Variants in ARSG observed in about 807,000 individuals in gnomAD.
ARSG encodes the protein ASG.
In ARSG, 37 loss-of-function variants were observed where a neutral mutation model predicts 50.5. The observed-to-expected ratio is 0.73, with a 90% CI of 0.56 to 0.96. The LOEUF is 0.96. ARSG is among the 50% of genes least tolerant of loss of function. The pLI is 0.00. For synonymous variants in ARSG, 225 were observed against 254.6 expected, an observed-to-expected ratio of 0.88 and a Z score of 1.11; for missense variants, 629 against 675.3, an observed-to-expected ratio of 0.93 and a Z score of 0.76.
chr17:68,448,149 T>G, the ARSG span, among the ~76,000 whole-genome samples: 1 of 152,140 alleles, frequency 6.6e-6, no homozygotes, highest in Non-Finnish European at 1.5e-5. Flanking sequence ...ACACTCCCCT[T>G]GGGCCTTTAT....
intron 8 of ARSG, among the ~76,000 whole-genome samples, chr17:68,371,942 A>G (rs558611443): frequency 2.6e-5 from 4 of 152,354 alleles, no homozygotes; most frequent in South Asian, 2.1e-4. Flanking sequence ...ACTCAAAAAA[A>G]TCTTGAAAGA....
intron 8 of ARSG, among the ~76,000 whole-genome samples, chr17:68,379,035 C>T (rs904524143): frequency 6.6e-6 from 1 of 152,016 alleles, no homozygotes; most frequent in Non-Finnish European, 1.5e-5. Context: ...CTGATAGGGA[C>T]CTAGAGGAAG....
At chr17:68,263,834 G>C (rs74986188) in intron 1 of ARSG, among the ~76,000 whole-genome samples, 2,759 of 152,122 alleles carry the variant, frequency 0.018, 87 homozygotes, top group African/African-American at 0.063. Context: ...TGAAACTAAG[G>C]ATCATGATTT....
In ARSG at chr17:68,351,758, A is replaced by G. The variant is rs76945033; in HGVS notation, c.566+72A>G. 3.2e-3 allele frequency: 3,261 copies of G among 1,003,616 alleles called. 63 individuals are homozygous for G. The African/African-American group carries it at 0.04, about 12-fold the overall frequency. 62.2% of individuals were successfully genotyped at this position (1,003,616 alleles called of 1,614,324 possible). ...GTTCCAAGACTGTGGTCCATCAGCA[A>G]TAAATTAAAGATGCAGACAGGAAAC... On this transcript the variant is annotated intron_variant, in intron 5 of 11. Coordinates refer to ENST00000621439, the MANE Select transcript of ARSG (RefSeq NM_001267727.2).
chr17:68,301,112 C>T (rs774952721), intron 1 of ARSG, among the ~76,000 whole-genome samples: 2 of 147,956 alleles, frequency 1.4e-5, no homozygotes, highest in Non-Finnish European at 3.0e-5. Context: ...AGTGAGACTC[C>T]GTCTCAAAAA....
intron 1 of ARSG, chr17:68,268,270 TTTAAA>T (rs1366872034): frequency 1.3e-5 from 2 of 152,564 alleles, no homozygotes; most frequent in African/African-American, 4.8e-5. Context: ...TAAATAGCGG[TTTAAA>T]TTAAAGACAC....
At chr17:68,265,753 G>T (rs1250423253) in intron 1 of ARSG, among the ~76,000 whole-genome samples, 160 of 134,234 alleles carry the variant, frequency 1.2e-3, no homozygotes, top group Middle Eastern at 7.9e-3. Flanking sequence ...AGTGTGTGTT[G>T]TTTTTTTTTT....
the ARSG span, among the ~76,000 whole-genome samples, chr17:68,441,247 T>C: frequency 6.6e-6 from 1 of 152,138 alleles, no homozygotes; most frequent in Non-Finnish European, 1.5e-5. Flanking sequence ...CAGCCTGCAA[T>C]CTCTGACACA....
chr17:68,307,746 GA>G, intron 2 of ARSG, 35 bp downstream of exon 2: 1 of 1,166,076 alleles, frequency 8.6e-7, no homozygotes, highest in South Asian at 1.2e-5. Context: ...CCTTTCTTTG[GA>G]TGTCTTACTC....
In ARSG at chr17:68,270,553, C is replaced by CA. The variant is rs1318666864; in HGVS notation, c.-552+11143dup. On this transcript the variant is annotated intron_variant, in intron 1 of 11. Transcript: ENST00000448504. ...TGGGTGATAGAGCGAGACTCCATCT[C>CA]AAAAAAAAAAAAAAAAGGCCAGGGT... 2.8e-3 allele frequency among the ~76,000 whole-genome samples: 233 copies of CA among 84,042 alleles called. 1 individual carries two copies. Among genetic ancestry groups the CA allele is most frequent in the Middle Eastern group, 7.9e-3 (1 of 126 alleles). 55.1% of individuals were successfully genotyped at this position (84,042 alleles called of 152,430 possible).
chr17:68,408,912 A>G (rs2081873026), intron 11 of ARSG, among the ~76,000 whole-genome samples: 1 of 151,266 alleles, frequency 6.6e-6, no homozygotes, highest in East Asian at 1.9e-4. Context: ...TTTTGGCTGC[A>G]TAAATGTCTT....
At chr17:68,352,929 C>T (rs2078867869) in intron 5 of ARSG, among the ~76,000 whole-genome samples, 1 of 152,252 alleles carries the variant, frequency 6.6e-6, no homozygotes, top group South Asian at 2.1e-4. Flanking sequence ...AATAAAGCAG[C>T]ACAAAACACG....
At chr17:68,365,783 AATG>A (rs2079517203) in intron 6 of ARSG, among the ~76,000 whole-genome samples, 1 of 152,196 alleles carries the variant, frequency 6.6e-6, no homozygotes, top group African/African-American at 2.4e-5. Flanking sequence ...GGCATTGAAA[AATG>A]ATGGGCAGTA....
At position 68,401,377 on chromosome 17, in the gene ARSG, C is replaced by T; in HGVS notation, c.1230C>T (p.Asn410=). The part of the protein sequence containing the change: ...QPGHRVLFHP[N]SGAAGEFGAL... Reference sequence around the variant, plus strand: ...TTTCTCAGGTGCTGTTCCACCCCAACAGCGGGGCAGCTGGAGAGTTTGGAG... The same window carrying T: ...TTTCTCAGGTGCTGTTCCACCCCAATAGCGGGGCAGCTGGAGAGTTTGGAG... Residue 410 remains asparagine, a synonymous_variant, in exon 11 of 12, where the codon AAC becomes AAT. Transcript: ENST00000621439. The T allele has an allele frequency of 6.2e-7, 1 of 1,614,030 alleles. No individual in the cohort carries two copies. The highest frequency in any genetic ancestry group is 1.1e-5 in the South Asian group (1 of 91,078).
intron 6 of ARSG, among the ~76,000 whole-genome samples, chr17:68,363,602 G>A (rs1235030659): frequency 6.6e-6 from 1 of 151,992 alleles, no homozygotes; most frequent in Non-Finnish European, 1.5e-5. Context: ...CGAGTAGCTG[G>A]GATTACAGGC....
At chr17:68,291,487 G>T (rs1313700416), upstream of ARSG, 2 of 150,480 alleles carry the variant, frequency 1.3e-5, no homozygotes, top group Non-Finnish European at 3.0e-5. Context: ...CCTGCCTGGC[G>T]CGCGCGCGCC....
intron 2 of ARSG, among the ~76,000 whole-genome samples, chr17:68,327,574 C>T (rs1250576274): frequency 6.6e-6 from 1 of 152,178 alleles, no homozygotes; most frequent in African/African-American, 2.4e-5. Flanking sequence ...TCTCTCTGCT[C>T]TTCTAAAATA....
chr17:68,344,044 G>A (rs1034111437), intron 3 of ARSG, among the ~76,000 whole-genome samples: 2 of 152,136 alleles, frequency 1.3e-5, no homozygotes, highest in African/African-American at 2.4e-5. Context: ...AGATGCTGCC[G>A]GGAGCCAGGT....
the ARSG span, among the ~76,000 whole-genome samples, chr17:68,448,714 G>C: frequency 2.6e-5 from 4 of 152,130 alleles, no homozygotes; most frequent in Non-Finnish European, 5.9e-5. Context: ...AGATCATCAG[G>C]TGCCAAAAAC....
Sources: gnomAD v4.1 joint callset for allele counts (sites outside exome capture counted in the v4.1 genomes callset) on GRCh38, gnomAD v4.1.1 for gene constraint, MANE v1.5 for transcripts, NCBI Gene and HGNC (gene_info 2026-07-23, HGNC 2026-07-21) for gene names.